SLC6A5: variants seen among roughly 807,000 people sequenced by gnomAD.
The protein encoded by SLC6A5 is solute carrier family 6 member 5.
Under a neutral mutation model 90.5 loss-of-function variants are expected in SLC6A5, and 58 were observed. The observed-to-expected ratio is 0.64, with a 90% CI of 0.52 to 0.80. The LOEUF (loss-of-function observed/expected upper bound fraction) is 0.80. Ranked by LOEUF, SLC6A5 falls within the 30% of genes least tolerant of loss-of-function variation. SLC6A5 has a pLI of 0.00. For missense variants in SLC6A5, 1,015 were observed against 1,017.6 expected, an observed-to-expected ratio of 1.00 and a Z score of 0.03; for synonymous variants, 427 against 401.4, an observed-to-expected ratio of 1.06 and a Z score of -0.76.
At chr11:20,599,874 T>C (rs1852424983) in intron 1 of SLC6A5, among the ~76,000 whole-genome samples, 199 bp downstream of exon 1, 1 of 152,080 alleles carries the variant, frequency 6.6e-6, no homozygotes. Context: ...TCCTAGGCTG[T>C]AGAGCTGAGA....
Position 20,604,289 on chromosome 11 carries a change from G to A in SLC6A5, c.544G>A (p.Asp182Asn). 6.2e-7 allele frequency: 1 copy of A among 1,609,464 alleles called. No homozygotes were observed. Among genetic ancestry groups the A allele is most frequent in the Non-Finnish European group, 8.5e-7 (1 of 1,176,596 alleles). ...GSVATVATQE[D>N]EQGDENKARG... The stretch of plus-strand genomic sequence containing the variant: ...CAATGTGCTTTTCCGCCCCCAGGAG[G>A]ACGAGCAAGGGGATGAGAATAAGGC... Residue 182 changes from aspartate to asparagine, a missense_variant, in exon 3 of 16, where the codon GAC becomes AAC. By Grantham distance (23) the Asp-to-Asn change is conservative (BLOSUM62 1). Around this residue, in one of 3 missense-constraint regions of SLC6A5, gnomAD observed 567 missense variants for 507.3 expected, o/e 1.12. Coordinates refer to ENST00000525748, the MANE Select transcript of SLC6A5 (RefSeq NM_004211.5).
intron 11 of SLC6A5, among the ~76,000 whole-genome samples, 155 bp from the exon 12 acceptor site, chr11:20,637,017 C>G (rs1853220590): frequency 6.6e-6 from 1 of 152,030 alleles, no homozygotes; most frequent in Non-Finnish European, 1.5e-5. Context: ...GGGTTGGACC[C>G]CAAGGAGGCT....
intron 7 of SLC6A5, among the ~76,000 whole-genome samples, chr11:20,625,552 G>A (rs1006004741): frequency 2.0e-5 from 3 of 152,106 alleles, no homozygotes; most frequent in East Asian, 1.9e-4. Context: ...ATAAGCCACC[G>A]CGCCCGGCCT....
chr11:20,647,000 G>T, intron 14 of SLC6A5, 66 bp downstream of exon 14: 2 of 1,038,050 alleles, frequency 1.9e-6, no homozygotes, highest in South Asian at 2.5e-5. Flanking sequence ...TTTTACATTT[G>T]AACAGTGCAT....
intron 5 of SLC6A5, among the ~76,000 whole-genome samples, chr11:20,612,073 C>A (rs1852704051): frequency 6.6e-6 from 1 of 152,160 alleles, no homozygotes; most frequent in African/African-American, 2.4e-5. Flanking sequence ...TATTGAGAAA[C>A]CTTGGTCTAA....
intron 13 of SLC6A5, among the ~76,000 whole-genome samples, chr11:20,645,922 A>C (rs996428099): frequency 2.0e-5 from 3 of 152,138 alleles, no homozygotes; most frequent in African/African-American, 7.2e-5. Flanking sequence ...GGCATGAGCC[A>C]CCACGCCCGG....
chr11:20,643,255 G>A (rs930503723), intron 13 of SLC6A5, among the ~76,000 whole-genome samples: 9 of 151,426 alleles, frequency 5.9e-5, no homozygotes, highest in Non-Finnish European at 1.3e-4. Context: ...AAAGAACTGA[G>A]GCCTGCTGTT....
At chr11:20,623,442 G>A (rs1456125711) in intron 7 of SLC6A5, among the ~76,000 whole-genome samples, 1 of 152,090 alleles carries the variant, frequency 6.6e-6, no homozygotes, top group Non-Finnish European at 1.5e-5. Context: ...TTTCTCACCA[G>A]CTCCAGCGAC....
At chr11:20,630,540 C>G (rs1418034871) in intron 9 of SLC6A5, 151 bp from the exon 10 acceptor site, 2 of 925,222 alleles carry the variant, frequency 2.2e-6, no homozygotes, top group African/African-American at 3.2e-5. Flanking sequence ...TTAAGTGAGC[C>G]CAAGGGAGCC....
intron 13 of SLC6A5, among the ~76,000 whole-genome samples, chr11:20,643,015 T>C (rs556683687): frequency 2.6e-5 from 4 of 152,166 alleles, no homozygotes; most frequent in Non-Finnish European, 5.9e-5. Context: ...CAGCTCTTTA[T>C]CCCCTCTCGG....
intron 6 of SLC6A5, 48 bp from the exon 7 acceptor site, chr11:20,617,702 CCT>C (rs1852807619): frequency 6.4e-7 from 1 of 1,565,558 alleles, no homozygotes; most frequent in Non-Finnish European, 8.8e-7. Context: ...CTGTCACCTC[CCT>C]CTCTCCTTCT....
chr11:20,650,655 C>CTTTTTTTTTTTTTTTT (rs55849528), intron 14 of SLC6A5, among the ~76,000 whole-genome samples: 1 of 79,844 alleles, frequency 1.3e-5, no homozygotes, highest in African/African-American at 5.1e-5. Flanking sequence ...GACGCCTGTT[C>CTTTTTTTTTTTTTTTT]TTTTTTTTTT....
intron 12 of SLC6A5, among the ~76,000 whole-genome samples, chr11:20,638,158 C>A (rs1367667608): frequency 6.6e-6 from 1 of 152,242 alleles, no homozygotes; most frequent in Non-Finnish European, 1.5e-5. Flanking sequence ...GCTGCTTTCA[C>A]ATATACTTCT....
At position 20,642,386 on chromosome 11, in the gene SLC6A5, G is replaced by A. The variant is rs186031271; in HGVS notation, c.1969+3828G>A. 3.9e-5 allele frequency among the ~76,000 whole-genome samples: 6 copies of A among 152,228 alleles called. No individual in the cohort carries two copies. In the South Asian group the frequency reaches 6.2e-4, roughly 16 times the overall value. ...CATCTCAGTTCAGGATCTTTTGGTCGTATGCAGTTTGTCATGGACTGATTT... is the reference window on the plus strand; with the variant it reads ...CATCTCAGTTCAGGATCTTTTGGTCATATGCAGTTTGTCATGGACTGATTT... On this transcript the variant is annotated intron_variant, in intron 13 of 15. Transcript: ENST00000525748.
intron 12 of SLC6A5, among the ~76,000 whole-genome samples, chr11:20,637,901 G>T (rs1394744532): frequency 6.6e-6 from 1 of 152,024 alleles, no homozygotes; most frequent in Non-Finnish European, 1.5e-5. Flanking sequence ...TATTGCTTTT[G>T]TTGTCTCTGT....
In SLC6A5 at chr11:20,642,110, G is replaced by T. The variant is rs1452035729; in HGVS notation, c.1969+3552G>T. On this transcript the variant is annotated intron_variant, in intron 13 of 15. Transcript: ENST00000525748. ...TAATTTGTGGGATATAGTACTAAAT[G>T]AAAATATAGAGTCACTTGTTAAAAA... Among the ~76,000 whole-genome samples the T allele has an allele frequency of 2.6e-5, 4 of 151,650 alleles. No individual in the cohort carries two copies. In the East Asian group the frequency reaches 7.8e-4, roughly 29 times the overall value.
intron 15 of SLC6A5, among the ~76,000 whole-genome samples, chr11:20,654,055 A>C (rs1171510349): frequency 2.0e-5 from 3 of 152,214 alleles, no homozygotes; most frequent in African/African-American, 7.2e-5. Flanking sequence ...CAGTCAAGTT[A>C]TGTTTTCCAT....
At chr11:20,630,643 C>T in intron 9 of SLC6A5, 48 bp from the exon 10 acceptor site, 2 of 1,611,492 alleles carry the variant, frequency 1.2e-6, no homozygotes, top group Middle Eastern at 1.7e-4. Context: ...TTGTCCCTTT[C>T]CACTCACCAA....
chr11:20,636,831 T>C (rs555239853), intron 11 of SLC6A5, among the ~76,000 whole-genome samples: 3 of 151,876 alleles, frequency 2.0e-5, no homozygotes, highest in African/African-American at 7.2e-5. Context: ...GCAAAGAGGG[T>C]TTTTCCTCAA....
Sources: gnomAD v4.1 joint callset for allele counts (sites outside exome capture counted in the v4.1 genomes callset) on GRCh38, gnomAD v4.1.1 for gene constraint, gnomAD v4.1.1 regional missense constraint, MANE v1.5 for transcripts, NCBI Gene and HGNC (gene_info 2026-07-23, HGNC 2026-07-21) for gene names.